TAFA2: variants seen among roughly 807,000 people sequenced by gnomAD.
The protein encoded by TAFA2 is TAFA chemokine like family member 2.
TAFA2 carries 7 observed loss-of-function variants against 18.8 expected under a neutral mutation model. The observed-to-expected ratio is 0.37, with a 90% CI of 0.21 to 0.70. The LOEUF (loss-of-function observed/expected upper bound fraction) is 0.70. Among genes scored for constraint, TAFA2 ranks in the 30% least tolerant of loss-of-function variants. The pLI is 0.53. For missense variants in TAFA2, 122 were observed against 158.1 expected (o/e 0.77, Z 1.23); for synonymous variants, 60 against 54.2 (o/e 1.11, Z -0.47).
intron 1 of TAFA2, among the ~76,000 whole-genome samples, chr12:61,961,526 A>G (rs964389947): frequency 1.3e-5 from 2 of 151,908 alleles, no homozygotes; most frequent in Non-Finnish European, 2.9e-5. Context: ...ATTCTATAGT[A>G]TTTTTATATA....
intron 1 of TAFA2, among the ~76,000 whole-genome samples, chr12:61,955,644 T>A (rs1403691257): frequency 2.1e-4 from 8 of 37,452 alleles, no homozygotes; most frequent in East Asian, 1.4e-3. Context: ...TATATATATA[T>A]ATATATATAT....
chr12:61,797,592 T>C (rs1039651068), intron 2 of TAFA2, among the ~76,000 whole-genome samples: 2 of 152,174 alleles, frequency 1.3e-5, no homozygotes, highest in African/African-American at 4.8e-5. Flanking sequence ...GAGTCCTCCA[T>C]GTAGAAACTC....
At chr12:62,070,036 C>G (rs1229683836) in intron 1 of TAFA2, among the ~76,000 whole-genome samples, 1 of 152,114 alleles carries the variant, frequency 6.6e-6, no homozygotes, top group East Asian at 1.9e-4. Flanking sequence ...CCAGAGCTGC[C>G]TGAGACCAGC....
intron 1 of TAFA2, among the ~76,000 whole-genome samples, chr12:61,956,904 C>T (rs531787709): frequency 7.9e-5 from 12 of 152,186 alleles, no homozygotes; most frequent in Non-Finnish European, 1.3e-4. Context: ...GACAGTTATC[C>T]AAGTTTTGTA....
At chr12:61,833,364 A>T (rs137997798) in intron 2 of TAFA2, among the ~76,000 whole-genome samples, 1 of 151,750 alleles carries the variant, frequency 6.6e-6, no homozygotes. Context: ...TGGCCTAGTC[A>T]GTAGAGTCAA....
intron 1 of TAFA2, chr12:61,880,047 C>T (rs1200884095): frequency 6.5e-5 from 45 of 696,690 alleles, no homozygotes; most frequent in Middle Eastern, 3.9e-4. Context: ...ATCTCGGACA[C>T]GTCTGTGGTG....
At chr12:62,235,858 G>T (rs1002468884) in intron 1 of TAFA2, among the ~76,000 whole-genome samples, 1 of 151,520 alleles carries the variant, frequency 6.6e-6, no homozygotes, top group Admixed American at 6.6e-5. Context: ...CTGGGACTAC[G>T]GGTTCATGGC....
chr12:62,078,939 C>G (rs1016659834), intron 1 of TAFA2, among the ~76,000 whole-genome samples: 1 of 152,180 alleles, frequency 6.6e-6, no homozygotes, highest in Non-Finnish European at 1.5e-5. Flanking sequence ...AAATGCTCCA[C>G]CCTGGTTCAC....
At chr12:62,181,989 A>AACCC (rs753723374) in intron 1 of TAFA2, among the ~76,000 whole-genome samples, 2 of 111,568 alleles carry the variant, frequency 1.8e-5, no homozygotes, top group Non-Finnish European at 3.9e-5. Flanking sequence ...TCTCAAGTCC[A>AACCC]TCCCCCCCCC....
chr12:61,979,758 C>T (rs1444798125), intron 1 of TAFA2, among the ~76,000 whole-genome samples: 2 of 152,020 alleles, frequency 1.3e-5, no homozygotes, highest in Non-Finnish European at 2.9e-5. Flanking sequence ...AGTAGAAGCA[C>T]GGCACCACCC....
chr12:62,126,721 T>A lies in TAFA2; in HGVS notation c.-2+64538A>T, dbSNP rs1009760656. ...TAATGCTGACAAATTAGAGATGAGATGAGAAGAGGGAAGAGATGACGCCGG... is the reference window on the plus strand; with the variant it reads ...TAATGCTGACAAATTAGAGATGAGAAGAGAAGAGGGAAGAGATGACGCCGG... On this transcript the variant is annotated intron_variant, in intron 1 of 4. Coordinates refer to ENST00000416284, the MANE Select transcript of TAFA2 (RefSeq NM_178539.5). Among the ~76,000 whole-genome samples the A allele has an allele frequency of 2.0e-5, 3 of 151,818 alleles. No homozygotes were observed. In the East Asian group the frequency reaches 5.8e-4, roughly 29 times the overall value.
intron 1 of TAFA2, among the ~76,000 whole-genome samples, chr12:62,026,266 T>C (rs983647503): frequency 6.6e-6 from 1 of 152,164 alleles, no homozygotes; most frequent in African/African-American, 2.4e-5. Flanking sequence ...TTCAGAGATT[T>C]ACCTGAATAG....
chr12:61,793,033 G>A lies in TAFA2; in HGVS notation c.107-38009C>T, dbSNP rs150008630. ...GTTCTAAATTACTCGAGTGAAATACGTTATAGAAAGGGAAATTAAAACTTG... is the reference window on the plus strand; with the variant it reads ...GTTCTAAATTACTCGAGTGAAATACATTATAGAAAGGGAAATTAAAACTTG... On this transcript the variant is annotated intron_variant, in intron 2 of 4. Transcript: ENST00000416284. Among the ~76,000 whole-genome samples the A allele has an allele frequency of 6.4e-3, 968 of 151,578 alleles. 9 individuals carry two copies. Among genetic ancestry groups the A allele is most frequent in the African/African-American group, 0.022 (899 of 41,446 alleles).
intron 1 of TAFA2, among the ~76,000 whole-genome samples, chr12:62,201,454 T>C (rs1390014325): frequency 6.6e-6 from 1 of 152,232 alleles, no homozygotes; most frequent in Non-Finnish European, 1.5e-5. Context: ...GAAGAGATGT[T>C]GAATTTCAGC....
chr12:61,902,773 A>G (rs1266365373), intron 1 of TAFA2, among the ~76,000 whole-genome samples: 4 of 152,146 alleles, frequency 2.6e-5, no homozygotes, highest in Admixed American at 2.0e-4. Context: ...ATTTGGCACC[A>G]CCAGTTAGGT....
chr12:61,755,043 T>C lies in TAFA2; in HGVS notation c.107-19A>G, dbSNP rs1592367543. ...TGGTGAGCTGCACAAACAAAAAAGATAAGACAACATTGAGAAAGCTTTGGA... is the reference window on the plus strand; with the variant it reads ...TGGTGAGCTGCACAAACAAAAAAGACAAGACAACATTGAGAAAGCTTTGGA... On this transcript the variant is annotated intron_variant, in intron 2 of 4. Transcript: ENST00000416284. 6.2e-7 allele frequency: 1 copy of C among 1,611,390 alleles called. No individual in the cohort carries two copies. Among genetic ancestry groups the C allele is most frequent in the Non-Finnish European group, 8.5e-7 (1 of 1,178,480 alleles).
At chr12:62,175,534 C>A (rs1236312205) in intron 1 of TAFA2, among the ~76,000 whole-genome samples, 1 of 151,928 alleles carries the variant, frequency 6.6e-6, no homozygotes, top group Non-Finnish European at 1.5e-5. Flanking sequence ...TTTTTTGAAG[C>A]TATTGTATAG....
chr12:62,246,068 G>A (rs1332825888), intron 1 of TAFA2, among the ~76,000 whole-genome samples: 8 of 150,896 alleles, frequency 5.3e-5, no homozygotes, highest in Middle Eastern at 3.4e-3. Context: ...CTCACTGCAA[G>A]CTCCGCCTCC....
intron 1 of TAFA2, among the ~76,000 whole-genome samples, chr12:62,028,204 G>A (rs757641801): frequency 6.6e-5 from 10 of 152,146 alleles, no homozygotes; most frequent in Admixed American, 2.0e-4. Context: ...AAAGGCAAGT[G>A]TGAAAACTTG....
Sources: gnomAD v4.1 joint callset for allele counts (sites outside exome capture counted in the v4.1 genomes callset) on GRCh38, gnomAD v4.1.1 for gene constraint, MANE v1.5 for transcripts, NCBI Gene and HGNC (gene_info 2026-07-23, HGNC 2026-07-21) for gene names.